Variants in SINHCAF observed in about 807,000 individuals in gnomAD.
SINHCAF encodes the protein SIN3-HDAC complex associated factor.
Under a neutral mutation model 25.8 loss-of-function variants are expected in SINHCAF, and 3 were observed. The observed-to-expected ratio is 0.12, with a 90% CI of 0.05 to 0.30. The LOEUF (loss-of-function observed/expected upper bound fraction) is 0.30, where lower values mean the gene tolerates loss of function less well. Among genes scored for constraint, SINHCAF ranks in the 10% least tolerant of loss-of-function variants. The pLI is 1.00. For synonymous variants in SINHCAF, 70 were observed against 85.5 expected, an observed-to-expected ratio of 0.82 and a Z score of 1.00; for missense variants, 121 against 262.3, an observed-to-expected ratio of 0.46 and a Z score of 3.72.
intron 4 of SINHCAF, among the ~76,000 whole-genome samples, chr12:31,289,585 C>T: frequency 6.6e-6 from 1 of 152,168 alleles, no homozygotes; most frequent in Non-Finnish European, 1.5e-5. Flanking sequence ...AGTCATTGTG[C>T]TATAAGGCTG....
At chr12:31,314,957 G>A (rs754690978) in intron 1 of SINHCAF, among the ~76,000 whole-genome samples, 9 of 152,186 alleles carry the variant, frequency 5.9e-5, no homozygotes, top group Non-Finnish European at 8.8e-5. Flanking sequence ...GGATTTAGTC[G>A]ATTTAGAGGA....
chr12:31,296,945 G>T, intron 2 of SINHCAF: 1 of 419,550 alleles, frequency 2.4e-6, no homozygotes, highest in East Asian at 7.8e-5. Context: ...TCAGACGGGA[G>T]GATCACTTGA....
At chr12:31,303,108 A>G (rs1233346233) in intron 1 of SINHCAF, 1 of 985,316 alleles carries the variant, frequency 1.0e-6, no homozygotes, top group Non-Finnish European at 1.2e-6. Context: ...CAGTTAAAAC[A>G]TGCCTATTTA....
At chr12:31,305,464 G>A (rs1419181658) in intron 1 of SINHCAF, among the ~76,000 whole-genome samples, 1 of 152,156 alleles carries the variant, frequency 6.6e-6, no homozygotes, top group Non-Finnish European at 1.5e-5. Flanking sequence ...TTCATGAGAA[G>A]AGAGCTGATA....
At chr12:31,284,396 T>G (rs1208600068) in intron 5 of SINHCAF, among the ~76,000 whole-genome samples, 1 of 152,200 alleles carries the variant, frequency 6.6e-6, no homozygotes, top group Non-Finnish European at 1.5e-5. Flanking sequence ...ATTGTAGGAG[T>G]TGTCTGTATA....
At chr12:31,318,718 A>G (rs78566664) in intron 1 of SINHCAF, among the ~76,000 whole-genome samples, 2 of 146,094 alleles carry the variant, frequency 1.4e-5, no homozygotes, top group Non-Finnish European at 3.0e-5. Context: ...CCAGTACATG[A>G]AAAAAAAAAC....
At chr12:31,312,371 TGTGA>T (rs767572190) in intron 1 of SINHCAF, among the ~76,000 whole-genome samples, 7 of 147,706 alleles carry the variant, frequency 4.7e-5, no homozygotes, top group Non-Finnish European at 1.1e-4. Context: ...TGTGTGTGTG[TGTGA>T]GTGTGTGTAT....
At chr12:31,299,049 A>C (rs1243083233) in intron 1 of SINHCAF, among the ~76,000 whole-genome samples, 1 of 152,100 alleles carries the variant, frequency 6.6e-6, no homozygotes, top group Non-Finnish European at 1.5e-5. Flanking sequence ...TAAAAAAAAA[A>C]AAAATCTCAA....
At chr12:31,296,643 C>T (rs534167839) in intron 2 of SINHCAF, among the ~76,000 whole-genome samples, 2 of 151,814 alleles carry the variant, frequency 1.3e-5, no homozygotes, top group East Asian at 1.9e-4. Flanking sequence ...CTGAGGCAGC[C>T]GGGAGTTCGA....
intron 2 of SINHCAF, among the ~76,000 whole-genome samples, chr12:31,297,523 A>G (rs1399058555): frequency 8.3e-6 from 1 of 120,402 alleles, no homozygotes. Context: ...GCCAGGCTGG[A>G]GTGCAGTGGC....
At chr12:31,316,712 A>T (rs1375971852) in intron 1 of SINHCAF, among the ~76,000 whole-genome samples, 1 of 152,264 alleles carries the variant, frequency 6.6e-6, no homozygotes, top group African/African-American at 2.4e-5. Context: ...ATTAAAGATT[A>T]TCTCTTATAA....
rs774585082 is a variant in SINHCAF at position 31,325,042 on chromosome 12, G to A, written c.-21+982C>T. On this transcript the variant is annotated intron_variant, in intron 1 of 5. Transcript: ENST00000337682. This position sits in a 1 kb window ranked among gnomAD's most constrained non-coding sequence, Gnocchi z 5.9. ...CCAGGGTCGCAGCCCGAAGCACGTG[G>A]TCTGTCACGTAGAGCACAAAAAGCA... is the stretch of plus-strand genomic sequence containing the variant. 8.8e-6 allele frequency: 4 copies of A among 456,720 alleles called. No individual in the cohort carries two copies. Among genetic ancestry groups the A allele is most frequent in the Admixed American group, 2.3e-5 (1 of 42,572 alleles). The allele number at this position is 456,720 out of a possible 1,614,324, so 28.3% of individuals were successfully genotyped here. A position where few individuals can be genotyped will look rare whatever the true frequency, so the allele number is the denominator to read the frequency against.
intron 5 of SINHCAF, among the ~76,000 whole-genome samples, chr12:31,286,588 G>A (rs756197718): frequency 7.3e-5 from 11 of 151,602 alleles, no homozygotes; most frequent in African/African-American, 1.5e-4. Flanking sequence ...CACTGAACCC[G>A]GGAGGCAGAG....
chr12:31,287,836 AT>A, intron 4 of SINHCAF, 52 bp from the exon 5 acceptor site: 1 of 1,379,044 alleles, frequency 7.3e-7, no homozygotes, highest in East Asian at 2.4e-5. Flanking sequence ...ATTACATGTA[AT>A]TGCAACTAAA....
chr12:31,286,827 T>C (rs558944676), intron 5 of SINHCAF, among the ~76,000 whole-genome samples: 1 of 152,386 alleles, frequency 6.6e-6, no homozygotes, highest in East Asian at 1.9e-4. Flanking sequence ...GCCTATGCCC[T>C]ATTTTATCCA....
At chr12:31,283,316 G>C (rs941247234) in intron 5 of SINHCAF, among the ~76,000 whole-genome samples, 6 of 152,000 alleles carry the variant, frequency 3.9e-5, no homozygotes, top group Non-Finnish European at 8.8e-5. Flanking sequence ...AAAAATACAT[G>C]TGTGGGCCGG....
At chr12:31,285,471 C>T (rs890282633) in intron 5 of SINHCAF, among the ~76,000 whole-genome samples, 10 of 131,396 alleles carry the variant, frequency 7.6e-5, no homozygotes, top group African/African-American at 1.7e-4. Context: ...AAATGTTATT[C>T]GACAATATTG....
intron 2 of SINHCAF, among the ~76,000 whole-genome samples, chr12:31,296,039 T>A (rs1235639593): frequency 2.0e-5 from 3 of 152,042 alleles, no homozygotes. Flanking sequence ...TTTTTTTAAT[T>A]TAATTTAAAA....
In SINHCAF at chr12:31,324,727, C is replaced by G. The variant is rs1029535998; in HGVS notation, c.-21+1297G>C. Reference sequence around the variant, plus strand: ...CGGAGCGTTTCGCAGGGGCCGGACACTGGACGATCACCCTGGGTAGGGGTC... The same window carrying G: ...CGGAGCGTTTCGCAGGGGCCGGACAGTGGACGATCACCCTGGGTAGGGGTC... On this transcript the variant is annotated intron_variant, in intron 1 of 5. Coordinates refer to ENST00000337682, the MANE Select transcript of SINHCAF (RefSeq NM_001135812.2). The surrounding 1 kb of genome is among the most constrained non-coding windows in gnomAD (Gnocchi z 5.5). 10 of 348,482 alleles carry G rather than the reference C, an allele frequency of 2.9e-5. No individual in the cohort carries two copies. In the Admixed American group the frequency reaches 3.9e-4, roughly 14 times the overall value. 21.6% of individuals were successfully genotyped at this position (348,482 alleles called of 1,614,324 possible).
Sources: allele counts gnomAD v4.1 joint callset (sites outside exome capture counted in the v4.1 genomes callset), GRCh38; gene constraint gnomAD v4.1.1; non-coding constraint Gnocchi (gnomAD v3.1); transcripts MANE v1.5; gene names NCBI Gene and HGNC (gene_info 2026-07-23, HGNC 2026-07-21).